AUTS2: variants seen among roughly 807,000 people sequenced by gnomAD.
AUTS2 encodes the protein activator of transcription and developmental regulator AUTS2.
A neutral mutation model predicts 112.4 loss-of-function variants in AUTS2; 17 were observed. That is an observed-to-expected ratio of 0.15 (90% CI 0.10 to 0.23). The LOEUF (loss-of-function observed/expected upper bound fraction) is 0.23, where lower values mean the gene tolerates loss of function less well. Among genes scored for constraint, AUTS2 ranks in the 10% least tolerant of loss-of-function variants. The probability of loss-of-function intolerance (pLI) is 1.00; values close to 1 mark genes in which losing one functional copy is unlikely to be tolerated. For synonymous variants in AUTS2, 751 were observed against 702.7 expected, an observed-to-expected ratio of 1.07 and a Z score of -1.09; for missense variants, 1,510 against 1,701.6, an observed-to-expected ratio of 0.89 and a Z score of 1.98.
chr7:70,539,125 G>T (rs1314077118), intron 5 of AUTS2, among the ~76,000 whole-genome samples: 2 of 152,150 alleles, frequency 1.3e-5, no homozygotes, highest in Non-Finnish European at 2.9e-5. Flanking sequence ...GGGGGAGTTG[G>T]CTGCTGTCAT....
chr7:69,843,725 T>A (rs1384472112), intron 1 of AUTS2, among the ~76,000 whole-genome samples: 1 of 152,146 alleles, frequency 6.6e-6, no homozygotes, highest in Non-Finnish European at 1.5e-5. Context: ...TGTGGTAACC[T>A]TCTCATGGCC....
At chr7:69,862,839 G>T (rs1351918076) in intron 1 of AUTS2, among the ~76,000 whole-genome samples, 2 of 152,108 alleles carry the variant, frequency 1.3e-5, no homozygotes, top group Non-Finnish European at 2.9e-5. Context: ...GCGGGATTCT[G>T]TCTAAGATTA....
chr7:70,598,761 C>A (rs1803323802), intron 5 of AUTS2, among the ~76,000 whole-genome samples: 2 of 152,146 alleles, frequency 1.3e-5, no homozygotes, highest in African/African-American at 4.8e-5. Flanking sequence ...AGATTTGTTT[C>A]CAAATTCCCT....
chr7:70,664,306 C>T (rs1000927060), intron 5 of AUTS2, among the ~76,000 whole-genome samples: 5 of 152,114 alleles, frequency 3.3e-5, no homozygotes, highest in Admixed American at 1.3e-4. Flanking sequence ...TTCAAAGAAA[C>T]GTATATTTAA....
At chr7:70,487,740 G>A (rs1798069300) in intron 5 of AUTS2, among the ~76,000 whole-genome samples, 1 of 152,220 alleles carries the variant, frequency 6.6e-6, no homozygotes, top group Non-Finnish European at 1.5e-5. Context: ...AAGCCGTGAG[G>A]AGCGAGGAGG....
intron 2 of AUTS2, 139 bp from the exon 3 acceptor site, chr7:70,117,993 C>A: frequency 9.2e-7 from 1 of 1,087,478 alleles, no homozygotes; most frequent in Non-Finnish European, 1.2e-6. Context: ...CGTGATCCTC[C>A]TACCTCTGCC....
In AUTS2 at chr7:70,790,972, G is replaced by A. The variant is rs143865572; in HGVS notation, c.3756G>A (p.Thr1252=). 7 of 1,504,022 alleles carry A rather than the reference G, an allele frequency of 4.7e-6. No homozygotes were observed. The African/African-American group carries it at 9.8e-5, about 21-fold the overall frequency. 93.2% of individuals were successfully genotyped at this position (1,504,022 alleles called of 1,614,324 possible). The change falls in exon 19 of 19, where the codon ACG becomes ACA. Residue 1252 remains threonine (T), a synonymous_variant. Coordinates refer to ENST00000342771, the MANE Select transcript of AUTS2 (RefSeq NM_015570.4). This position sits in a 1 kb window ranked among gnomAD's most constrained non-coding sequence, Gnocchi z 7.6. ...TAAGGGAGAGGCCCCCTTCCCACAC[G>A]CTGAAGGATATCGAGGCCCGATAAG... is the stretch of plus-strand genomic sequence containing the variant. ...AEIRERPPSH[T]LKDIEAR
intron 1 of AUTS2, among the ~76,000 whole-genome samples, chr7:69,669,096 T>A (rs1796198314): frequency 6.6e-6 from 1 of 152,164 alleles, no homozygotes; most frequent in Admixed American, 6.5e-5. Context: ...AACAGACATG[T>A]TTTCTACATT....
chr7:69,698,091 C>T (rs1334322240), intron 1 of AUTS2, among the ~76,000 whole-genome samples: 1 of 152,170 alleles, frequency 6.6e-6, no homozygotes, highest in Non-Finnish European at 1.5e-5. Flanking sequence ...CTATGTATAA[C>T]TCAATTTATA....
At chr7:70,344,564 C>T (rs1791410371) in intron 4 of AUTS2, among the ~76,000 whole-genome samples, 2 of 152,290 alleles carry the variant, frequency 1.3e-5, no homozygotes, top group Middle Eastern at 6.8e-3. Flanking sequence ...GTGGTCTTAA[C>T]ACATTCAGAG....
intron 4 of AUTS2, among the ~76,000 whole-genome samples, chr7:70,388,554 G>A (rs1036742614): frequency 6.6e-6 from 1 of 152,204 alleles, no homozygotes; most frequent in African/African-American, 2.4e-5. Flanking sequence ...TGAGGTGAAA[G>A]AAGCTTGAGA....
intron 4 of AUTS2, among the ~76,000 whole-genome samples, chr7:70,301,785 A>G (rs1414393273): frequency 3.3e-5 from 5 of 152,298 alleles, no homozygotes; most frequent in East Asian, 3.9e-4. Flanking sequence ...TTATTTAGAG[A>G]CAAGTTCTCG....
rs574577046 is a variant in AUTS2 at position 70,021,181 on chromosome 7, T to C, written c.523-96951T>C. Among the ~76,000 whole-genome samples the C allele has an allele frequency of 6.6e-5, 10 of 151,518 alleles. No individual in the cohort carries two copies. The East Asian group carries it at 1.6e-3, about 24-fold the overall frequency. On this transcript the variant is annotated intron_variant, in intron 2 of 18. Transcript: ENST00000342771. ...ATTTTTAGTAGAGACGGGGTTTCTGTATGTTGGTCAGGCTGGTCTCGAACT... is the reference window on the plus strand; with the variant it reads ...ATTTTTAGTAGAGACGGGGTTTCTGCATGTTGGTCAGGCTGGTCTCGAACT...
chr7:69,975,237 T>C (rs1375001955), intron 2 of AUTS2, among the ~76,000 whole-genome samples: 1 of 152,132 alleles, frequency 6.6e-6, no homozygotes, highest in Non-Finnish European at 1.5e-5. Context: ...CCACTATCCT[T>C]CTTTTGTCTA....
intron 1 of AUTS2, among the ~76,000 whole-genome samples, chr7:69,640,791 A>G (rs920608838): frequency 1.3e-5 from 2 of 152,232 alleles, no homozygotes; most frequent in Non-Finnish European, 2.9e-5. Flanking sequence ...AAAGGTTGAT[A>G]TAGGGAGTAA....
intron 1 of AUTS2, among the ~76,000 whole-genome samples, chr7:69,678,594 G>A (rs1305830683): frequency 6.6e-6 from 1 of 152,176 alleles, no homozygotes; most frequent in Non-Finnish European, 1.5e-5. Flanking sequence ...AGTTGGCCTG[G>A]AGTTTTCAGA....
intron 5 of AUTS2, among the ~76,000 whole-genome samples, chr7:70,472,305 A>G (rs1797417945): frequency 1.3e-5 from 2 of 151,744 alleles, no homozygotes; most frequent in Admixed American, 1.3e-4. Context: ...TGTCTAATTT[A>G]TATATCAGCA....
At chr7:70,698,067 T>A (rs1183257242) in intron 5 of AUTS2, among the ~76,000 whole-genome samples, 1 of 152,148 alleles carries the variant, frequency 6.6e-6, no homozygotes, top group African/African-American at 2.4e-5. Context: ...GGGACAGGGA[T>A]CTTGGAGTCA....
chr7:70,302,895 T>C (rs897113794), intron 4 of AUTS2, among the ~76,000 whole-genome samples: 4 of 151,058 alleles, frequency 2.6e-5, no homozygotes, highest in Non-Finnish European at 5.9e-5. Context: ...TTCTTTTTCC[T>C]GAAAGATCTT....
Sources: gnomAD v4.1 joint callset for allele counts (sites outside exome capture counted in the v4.1 genomes callset) on GRCh38, gnomAD v4.1.1 for gene constraint, Gnocchi (gnomAD v3.1) non-coding constraint, MANE v1.5 for transcripts, NCBI Gene and HGNC (gene_info 2026-07-23, HGNC 2026-07-21) for gene names.